The following PARD3B variants were observed in gnomAD, a reference collection of about 807,000 sequenced individuals.
PARD3B encodes partitioning defective 3 homolog B.
In PARD3B, 103 loss-of-function variants were observed where a neutral mutation model predicts 130.2. The ratio of observed to expected loss-of-function variants is 0.79; its 90% confidence interval spans 0.67 to 0.93. PARD3B has a LOEUF of 0.93. Ranked by LOEUF, PARD3B falls within the 40% of genes least tolerant of loss-of-function variation. The pLI, the probability that PARD3B is intolerant of heterozygous loss-of-function variation, is 0.00. For missense variants in PARD3B, 1,609 were observed against 1,499.2 expected (o/e 1.07, Z -1.21); for synonymous variants, 583 against 553.2 (o/e 1.05, Z -0.76).
At chr2:205,517,678 T>G (rs73058202) in intron 21 of PARD3B, among the ~76,000 whole-genome samples, 5,869 of 152,186 alleles carry the variant, frequency 0.039, 196 homozygotes, top group South Asian at 0.13. Flanking sequence ...TGTTTGTTAG[T>G]TTGTTAATTT....
At chr2:205,441,582 T>A (rs1484437616) in intron 20 of PARD3B, among the ~76,000 whole-genome samples, 1 of 152,144 alleles carries the variant, frequency 6.6e-6, no homozygotes, top group Non-Finnish European at 1.5e-5. Flanking sequence ...TTTCCAGACT[T>A]CTTAGGGTCC....
chr2:205,398,717 G>A (rs139543835), intron 18 of PARD3B, among the ~76,000 whole-genome samples: 158 of 152,276 alleles, frequency 1.0e-3, no homozygotes, highest in African/African-American at 2.6e-3. Flanking sequence ...TCAGAGCTCC[G>A]ACTTGACTAA....
At chr2:204,561,934 G>C (rs1354477270) in intron 1 of PARD3B, among the ~76,000 whole-genome samples, 1 of 152,080 alleles carries the variant, frequency 6.6e-6, no homozygotes, top group East Asian at 1.9e-4. Flanking sequence ...TACCTGGCCT[G>C]TTGGGTCTCA....
intron 19 of PARD3B, among the ~76,000 whole-genome samples, chr2:205,423,775 C>T (rs934081075): frequency 6.6e-6 from 1 of 152,156 alleles, no homozygotes; most frequent in Non-Finnish European, 1.5e-5. Flanking sequence ...AGAACAGGAT[C>T]GTGTCCTTTG....
In PARD3B at chr2:205,563,965, C is replaced by T. The variant is rs529286560; in HGVS notation, c.3260+10562C>T. 6.6e-6 allele frequency among the ~76,000 whole-genome samples: 1 copy of T among 152,272 alleles called. No homozygotes were observed. The highest frequency in any genetic ancestry group is 2.4e-5 in the African/African-American group (1 of 41,568). ...GGAAGGAGTTAACATTTGTTGAGCCCGTATTGTGCTCCAAGAACTCTGGCA... is the reference window on the plus strand; with the variant it reads ...GGAAGGAGTTAACATTTGTTGAGCCTGTATTGTGCTCCAAGAACTCTGGCA... On this transcript the variant is annotated intron_variant, in intron 22 of 22. Transcript: ENST00000406610. This position sits in a 1 kb window ranked among gnomAD's most constrained non-coding sequence, Gnocchi z 4.2.
In PARD3B at chr2:205,425,876, C is replaced by T. The variant is rs532735482; in HGVS notation, c.2742-14494C>T. On this transcript the variant is annotated intron_variant, in intron 19 of 22. Coordinates refer to ENST00000406610, the MANE Select transcript of PARD3B (RefSeq NM_001302769.2). ...TGGATTCTGCAAACCATGAAGAATT[C>T]ACCGTGTTATTTGTGTGTGCACAGA... 3.9e-5 allele frequency among the ~76,000 whole-genome samples: 6 copies of T among 152,288 alleles called. No homozygotes were observed. The Middle Eastern group carries it at 0.01, about 259-fold the overall frequency.
chr2:204,934,898 C>T (rs1688296042), intron 2 of PARD3B, among the ~76,000 whole-genome samples: 1 of 152,094 alleles, frequency 6.6e-6, no homozygotes, highest in Admixed American at 6.5e-5. Context: ...ATATATAACT[C>T]ATTGATTTAA....
chr2:204,708,193 A>G (rs2038270141), intron 2 of PARD3B, among the ~76,000 whole-genome samples: 1 of 152,094 alleles, frequency 6.6e-6, no homozygotes, highest in Non-Finnish European at 1.5e-5. Flanking sequence ...ATTTTTTTGT[A>G]GAGACAGAGT....
intron 21 of PARD3B, among the ~76,000 whole-genome samples, chr2:205,502,351 A>G (rs1318514211): frequency 6.6e-6 from 1 of 152,188 alleles, no homozygotes; most frequent in African/African-American, 2.4e-5. Flanking sequence ...CCAGGGCACT[A>G]GCTAAAATCA....
intron 19 of PARD3B, among the ~76,000 whole-genome samples, chr2:205,420,318 T>C (rs542056399): frequency 6.6e-6 from 1 of 152,324 alleles, no homozygotes; most frequent in South Asian, 2.1e-4. Flanking sequence ...CCAGCCACAC[T>C]CTTCTAATAG....
In PARD3B at chr2:205,367,940, T is replaced by C. The variant is rs1398533176; in HGVS notation, c.2631-33073T>C. 2.0e-5 allele frequency among the ~76,000 whole-genome samples: 3 copies of C among 152,200 alleles called. No individual in the cohort carries two copies. In the East Asian group the frequency reaches 5.8e-4, roughly 29 times the overall value. ...CTTAACAATTCCATTGTTTTAGTTT[T>C]ATGTGATGATTTGTAAGTAAATAAG... On this transcript the variant is annotated intron_variant, in intron 18 of 22. Coordinates refer to ENST00000406610, the MANE Select transcript of PARD3B (RefSeq NM_001302769.2).
chr2:204,657,919 C>T (rs988650667), intron 1 of PARD3B, among the ~76,000 whole-genome samples: 8 of 152,104 alleles, frequency 5.3e-5, no homozygotes, highest in East Asian at 1.9e-4. Context: ...TATGTATACA[C>T]ATTTGATCTT....
At chr2:205,113,114 G>A (rs1402604831) in intron 5 of PARD3B, among the ~76,000 whole-genome samples, 3 of 152,106 alleles carry the variant, frequency 2.0e-5, no homozygotes, top group Admixed American at 6.5e-5. Flanking sequence ...GCTTTCTTCT[G>A]TGTTTTTTAT....
chr2:204,881,713 C>A (rs2046058579), intron 2 of PARD3B, among the ~76,000 whole-genome samples: 1 of 151,890 alleles, frequency 6.6e-6, no homozygotes, highest in Non-Finnish European at 1.5e-5. Flanking sequence ...AACTCTGAAG[C>A]TCTATGTGTC....
chr2:205,097,415 G>A (rs906989442), intron 4 of PARD3B, among the ~76,000 whole-genome samples: 8 of 152,098 alleles, frequency 5.3e-5, no homozygotes, highest in African/African-American at 1.7e-4. Flanking sequence ...AGCTTTCTGC[G>A]TCTGAGTTTC....
In PARD3B at chr2:204,906,093, G is replaced by A. The variant is rs765251199; in HGVS notation, c.223-59059G>A. On this transcript the variant is annotated intron_variant, in intron 2 of 22. Coordinates refer to ENST00000406610, the MANE Select transcript of PARD3B (RefSeq NM_001302769.2). This position sits in a 1 kb window ranked among gnomAD's most constrained non-coding sequence, Gnocchi z 4.3. The stretch of plus-strand genomic sequence containing the variant: ...TTGCTAAATAATGGCTTATTAAAGG[G>A]TTCCTGATGGTAGTTTGTGATTGAT... Among the ~76,000 whole-genome samples, 43 of 152,102 alleles carry A rather than the reference G, an allele frequency of 2.8e-4. No individual in the cohort carries two copies. Among genetic ancestry groups the A allele is most frequent in the Non-Finnish European group, 4.1e-4 (28 of 67,996 alleles).
At chr2:205,070,765 A>T (rs1200461942) in intron 4 of PARD3B, among the ~76,000 whole-genome samples, 1 of 152,182 alleles carries the variant, frequency 6.6e-6, no homozygotes, top group Non-Finnish European at 1.5e-5. Context: ...ACTTGAAACA[A>T]TAGGTAATCA....
intron 21 of PARD3B, among the ~76,000 whole-genome samples, chr2:205,515,133 C>T (rs1055032087): frequency 1.3e-5 from 2 of 152,094 alleles, no homozygotes; most frequent in Admixed American, 1.3e-4. Context: ...GGGTAATGGC[C>T]TCCAGCTCCA....
Position 204,883,629 on chromosome 2 carries a change from A to G in PARD3B, c.223-81523A>G, listed in dbSNP as rs543483631. 2.6e-5 allele frequency among the ~76,000 whole-genome samples: 4 copies of G among 150,944 alleles called. No individual in the cohort carries two copies. The South Asian group carries it at 8.4e-4, about 32-fold the overall frequency. Reference sequence around the variant, plus strand: ...CGCCCAGCTAATTTTTATTTTTAGTAGAGACAGGGTTTCACCATATTGGCC... The same window carrying G: ...CGCCCAGCTAATTTTTATTTTTAGTGGAGACAGGGTTTCACCATATTGGCC... On this transcript the variant is annotated intron_variant, in intron 2 of 22. Transcript: ENST00000406610.
Sources: gnomAD v4.1 joint callset for allele counts (sites outside exome capture counted in the v4.1 genomes callset) on GRCh38, gnomAD v4.1.1 for gene constraint, Gnocchi (gnomAD v3.1) non-coding constraint, MANE v1.5 for transcripts, NCBI Gene and HGNC (gene_info 2026-07-23, HGNC 2026-07-21) for gene names.